The following SUCLG2 variants were observed in gnomAD, a reference collection of about 807,000 sequenced individuals.
SUCLG2 encodes the protein succinate-CoA ligase GDP-forming subunit beta, also known as succinate--CoA ligase [GDP-forming] subunit beta, mitochondrial.
A neutral mutation model predicts 47.9 loss-of-function variants in SUCLG2; 42 were observed. That is an observed-to-expected ratio of 0.88 (90% CI 0.69 to 1.14). SUCLG2 has a LOEUF of 1.14. Among genes scored for constraint, SUCLG2 ranks in the 50% most tolerant of loss-of-function variants. The pLI is 0.00. For synonymous variants in SUCLG2, 195 were observed against 197.3 expected (o/e 0.99, Z 0.10); for missense variants, 571 against 525.9 (o/e 1.09, Z -0.84).
At chr3:67,612,528 T>G (rs1490605895) in intron 1 of SUCLG2, among the ~76,000 whole-genome samples, 1 of 152,196 alleles carries the variant, frequency 6.6e-6, no homozygotes, top group Non-Finnish European at 1.5e-5. Context: ...AATAGTTCCA[T>G]CTACTATTAA....
At chr3:67,432,312 C>G (rs2106888813) in intron 9 of SUCLG2, among the ~76,000 whole-genome samples, 1 of 152,146 alleles carries the variant, frequency 6.6e-6, no homozygotes, top group East Asian at 1.9e-4. Flanking sequence ...AAGCTTTTTA[C>G]AGACAGCAAT....
At chr3:67,430,950 G>A (rs1415300278) in intron 9 of SUCLG2, among the ~76,000 whole-genome samples, 12 of 152,142 alleles carry the variant, frequency 7.9e-5, no homozygotes, top group Admixed American at 7.9e-4. Flanking sequence ...TGAAATTGAG[G>A]TAATAATTAA....
chr3:67,479,293 A>AG (rs200288402), intron 9 of SUCLG2, among the ~76,000 whole-genome samples: 5,642 of 151,982 alleles, frequency 0.037, 179 homozygotes, highest in East Asian at 0.18. Flanking sequence ...ATCAAAGTAA[A>AG]AAAAAAAAAC....
intron 9 of SUCLG2, among the ~76,000 whole-genome samples, chr3:67,463,024 C>T (rs1414417450): frequency 1.3e-5 from 2 of 152,166 alleles, no homozygotes; most frequent in Non-Finnish European, 2.9e-5. Flanking sequence ...TGTGTTCTTC[C>T]ATTCAGGGAT....
chr3:67,606,667 T>C (rs2107307454), intron 2 of SUCLG2, among the ~76,000 whole-genome samples: 1 of 152,316 alleles, frequency 6.6e-6, no homozygotes, highest in Non-Finnish European at 1.5e-5. Context: ...CTGGGATTTT[T>C]TCACAGTAAA....
intron 2 of SUCLG2, among the ~76,000 whole-genome samples, chr3:67,600,592 A>G (rs1299581341): frequency 6.6e-6 from 1 of 152,218 alleles, no homozygotes; most frequent in Non-Finnish European, 1.5e-5. Context: ...TCTAAACACT[A>G]CTTTCAGAAG....
intron 9 of SUCLG2, among the ~76,000 whole-genome samples, chr3:67,485,714 T>G (rs1705033340): frequency 6.6e-6 from 1 of 152,234 alleles, no homozygotes; most frequent in Non-Finnish European, 1.5e-5. Flanking sequence ...CGATCATTAT[T>G]TAATATTTAA....
chr3:67,601,392 A>AATCAG (rs879387784), intron 2 of SUCLG2, among the ~76,000 whole-genome samples: 16 of 152,142 alleles, frequency 1.1e-4, no homozygotes, highest in Non-Finnish European at 2.2e-4. Flanking sequence ...TTCCTTTGAT[A>AATCAG]ATCAGAAAAG....
intron 2 of SUCLG2, among the ~76,000 whole-genome samples, chr3:67,532,904 A>T (rs934655193): frequency 6.6e-6 from 1 of 152,216 alleles, no homozygotes; most frequent in Non-Finnish European, 1.5e-5. Context: ...GCAGTTTTAT[A>T]GCAATTTTTA....
intron 1 of SUCLG2, among the ~76,000 whole-genome samples, chr3:67,652,038 C>T (rs1701294374): frequency 6.6e-6 from 1 of 151,998 alleles, no homozygotes; most frequent in African/African-American, 2.4e-5. Flanking sequence ...GGGCCTACAA[C>T]AGTCCTGCCA....
chr3:67,473,341 T>C (rs1404803309), intron 9 of SUCLG2, among the ~76,000 whole-genome samples: 1 of 152,194 alleles, frequency 6.6e-6, no homozygotes, highest in Non-Finnish European at 1.5e-5. Context: ...CCAAATCCTT[T>C]GTAATGACTA....
At chr3:67,604,801 T>C (rs1004704824) in intron 2 of SUCLG2, among the ~76,000 whole-genome samples, 5 of 152,172 alleles carry the variant, frequency 3.3e-5, no homozygotes, top group Non-Finnish European at 5.9e-5. Context: ...CGCAGAGAAG[T>C]CACCCTGGAA....
At chr3:67,616,805 C>G (rs1700638284) in intron 1 of SUCLG2, among the ~76,000 whole-genome samples, 1 of 152,184 alleles carries the variant, frequency 6.6e-6, no homozygotes, top group Non-Finnish European at 1.5e-5. Context: ...AGAACTACCA[C>G]CTCTAATATA....
intron 2 of SUCLG2, among the ~76,000 whole-genome samples, chr3:67,565,671 A>G (rs548054546): frequency 1.4e-4 from 21 of 152,194 alleles, no homozygotes; most frequent in Non-Finnish European, 2.6e-4. Flanking sequence ...TGTGATGTTT[A>G]TCATATTGTA....
chr3:67,416,747 A>C (rs192138032), intron 9 of SUCLG2, among the ~76,000 whole-genome samples: 1 of 152,346 alleles, frequency 6.6e-6, no homozygotes, highest in Admixed American at 6.5e-5. Flanking sequence ...ATCCACATAA[A>C]GCTTAATCAA....
chr3:67,595,530 G>T (rs1708273227), intron 2 of SUCLG2, among the ~76,000 whole-genome samples: 3 of 152,134 alleles, frequency 2.0e-5, no homozygotes, highest in Admixed American at 2.0e-4. Flanking sequence ...AGATGGCTCT[G>T]CGTCCTAAGC....
At chr3:67,408,317 C>T (rs1007606689) in intron 9 of SUCLG2, among the ~76,000 whole-genome samples, 3 of 152,142 alleles carry the variant, frequency 2.0e-5, no homozygotes, top group African/African-American at 7.2e-5. Context: ...TCCCACTCTG[C>T]CCTTTTAATT....
intron 1 of SUCLG2, among the ~76,000 whole-genome samples, chr3:67,637,646 C>T (rs1701031912): frequency 1.3e-5 from 2 of 152,216 alleles, no homozygotes; most frequent in South Asian, 4.1e-4. Context: ...GCCCTCCAAC[C>T]TGATCTTCAT....
intron 10 of SUCLG2, among the ~76,000 whole-genome samples, chr3:67,399,477 C>A (rs557088154): frequency 4.5e-4 from 69 of 152,298 alleles, no homozygotes; most frequent in African/African-American, 2.4e-5. Context: ...TCAAGGAAAA[C>A]AACTTAACCA....
Sources: gnomAD v4.1 joint callset for allele counts (sites outside exome capture counted in the v4.1 genomes callset) on GRCh38, gnomAD v4.1.1 for gene constraint, MANE v1.5 for transcripts, NCBI Gene and HGNC (gene_info 2026-07-23, HGNC 2026-07-21) for gene names.